The following PAK1 variants were observed in gnomAD, a reference collection of about 807,000 sequenced individuals.
The protein encoded by PAK1 is p21 (RAC1) activated kinase 1.
Under a neutral mutation model 67.4 loss-of-function variants are expected in PAK1, and 29 were observed. That is an observed-to-expected ratio of 0.43 (90% CI 0.32 to 0.59). The LOEUF is 0.59. PAK1 is among the 20% of genes least tolerant of loss of function. The probability of loss-of-function intolerance (pLI) is 0.07; values close to 1 mark genes in which losing one functional copy is unlikely to be tolerated. For synonymous variants in PAK1, 223 were observed against 237.4 expected (o/e 0.94, Z 0.56); for missense variants, 337 against 670.7 (o/e 0.50, Z 5.50).
chr11:77,399,790 C>T (rs1380236794), intron 1 of PAK1, among the ~76,000 whole-genome samples: 4 of 115,122 alleles, frequency 3.5e-5, no homozygotes, highest in Non-Finnish European at 6.6e-5. Context: ...ACCCGGGAGG[C>T]GGAGCTTGCA....
At chr11:77,344,545 A>G (rs1249887048) in intron 9 of PAK1, among the ~76,000 whole-genome samples, 1 of 152,212 alleles carries the variant, frequency 6.6e-6, no homozygotes, top group Non-Finnish European at 1.5e-5. Context: ...GGTACTTGGT[A>G]TCAATTCCTT....
the PAK1 span, among the ~76,000 whole-genome samples, chr11:77,494,570 C>T: frequency 1.4e-5 from 2 of 147,320 alleles, no homozygotes; most frequent in South Asian, 2.1e-4. Flanking sequence ...TGTCAGCACA[C>T]CTGTTAGGAT....
chr11:77,419,165 T>C (rs1955126254), intron 1 of PAK1, among the ~76,000 whole-genome samples: 1 of 152,216 alleles, frequency 6.6e-6, no homozygotes, highest in South Asian at 2.1e-4. Context: ...AATTGAGGCA[T>C]ACTGGTAAGA....
intron 1 of PAK1, among the ~76,000 whole-genome samples, chr11:77,465,628 A>G (rs2135527891): frequency 6.6e-6 from 1 of 152,286 alleles, no homozygotes; most frequent in South Asian, 2.1e-4. Flanking sequence ...GACTGGTGAG[A>G]TAATTCCATA....
intron 6 of PAK1, among the ~76,000 whole-genome samples, chr11:77,357,516 C>A (rs1946198448): frequency 6.6e-6 from 1 of 152,126 alleles, no homozygotes; most frequent in Admixed American, 6.6e-5. Flanking sequence ...AAGACAGAAA[C>A]CTTGCCTTTT....
intron 1 of PAK1, among the ~76,000 whole-genome samples, chr11:77,414,538 T>A (rs990340762): frequency 2.6e-5 from 4 of 152,244 alleles, no homozygotes; most frequent in Non-Finnish European, 4.4e-5. Flanking sequence ...CAATGTGATA[T>A]TAATGAAAAC....
chr11:77,391,039 A>G (rs905573550), intron 2 of PAK1, among the ~76,000 whole-genome samples: 8 of 152,174 alleles, frequency 5.3e-5, no homozygotes, highest in Middle Eastern at 3.4e-3. Flanking sequence ...CAACACTCCT[A>G]ATTTGTTCCT....
intron 5 of PAK1, among the ~76,000 whole-genome samples, chr11:77,369,110 G>C (rs1948037311): frequency 6.6e-6 from 1 of 152,112 alleles, no homozygotes; most frequent in Admixed American, 6.5e-5. Context: ...TATTTCTAAT[G>C]AGATGTCTGA....
chr11:77,508,678 GC>G, the PAK1 span, among the ~76,000 whole-genome samples: 1 of 37,962 alleles, frequency 2.6e-5, no homozygotes, highest in Non-Finnish European at 5.5e-5. Flanking sequence ...TTTTTTTTTT[GC>G]GACGGAGTCT....
At chr11:77,464,714 C>T (rs971572118) in intron 1 of PAK1, among the ~76,000 whole-genome samples, 3 of 152,176 alleles carry the variant, frequency 2.0e-5, no homozygotes, top group Non-Finnish European at 2.9e-5. Context: ...TACCAAACAT[C>T]GTAGCTCAGC....
intron 7 of PAK1, among the ~76,000 whole-genome samples, 153 bp from the exon 8 acceptor site, chr11:77,353,752 TAA>T (rs1366015790): frequency 2.0e-5 from 3 of 152,150 alleles, no homozygotes; most frequent in Non-Finnish European, 4.4e-5. Context: ...TTTTCCCCCA[TAA>T]GTCTCAACCA....
In PAK1 at chr11:77,322,860, A is replaced by G. The variant is rs1299042901; in HGVS notation, c.*414T>C. The G allele has an allele frequency of 4.1e-6, 2 of 493,782 alleles. No individual in the cohort carries two copies. Among genetic ancestry groups the G allele is most frequent in the Non-Finnish European group, 7.2e-6 (2 of 278,588 alleles). The allele number at this position is 493,782 out of a possible 1,614,324, so 30.6% of individuals were successfully genotyped here. ...AGGTGTCTGGGCAGTTGAGTCACAG[A>G]AAAGCAAGCACTAAAGAAATCTCAA... is the stretch of plus-strand genomic sequence containing the variant. On this transcript the variant is annotated 3_prime_UTR_variant, in exon 15 of 15. Coordinates refer to ENST00000356341, the MANE Select transcript of PAK1 (RefSeq NM_002576.5).
At chr11:77,504,084 G>A in the PAK1 span, among the ~76,000 whole-genome samples, 4 of 152,124 alleles carry the variant, frequency 2.6e-5, no homozygotes, top group East Asian at 1.9e-4. Flanking sequence ...TAGAGACAGC[G>A]GTTTTACCAT....
At chr11:77,346,922 A>G in intron 9 of PAK1, 1 of 427,000 alleles carries the variant, frequency 2.3e-6, no homozygotes, top group South Asian at 1.7e-5. Context: ...CACTTGAAAA[A>G]TAATTGTTGG....
chr11:77,400,150 GAA>G (rs1443744330), intron 1 of PAK1, among the ~76,000 whole-genome samples: 2 of 151,906 alleles, frequency 1.3e-5, no homozygotes, highest in Non-Finnish European at 2.9e-5. Flanking sequence ...TTGGCCCAAA[GAA>G]AAGAGACAAA....
chr11:77,516,846 A>G, the PAK1 span, among the ~76,000 whole-genome samples: 1 of 150,616 alleles, frequency 6.6e-6, no homozygotes, highest in African/African-American at 2.4e-5. Flanking sequence ...CTCAAAAAAA[A>G]AAAAAAAAAA....
intron 1 of PAK1, among the ~76,000 whole-genome samples, chr11:77,446,210 T>C (rs1046987277): frequency 2.6e-5 from 4 of 152,132 alleles, no homozygotes; most frequent in African/African-American, 9.7e-5. Flanking sequence ...GCCTATCCTT[T>C]ATTAAGAAGC....
chr11:77,460,295 C>T (rs968188455), intron 1 of PAK1, among the ~76,000 whole-genome samples: 10 of 147,356 alleles, frequency 6.8e-5, no homozygotes, highest in African/African-American at 2.3e-4. Flanking sequence ...TTATTGGGTA[C>T]ATCTGTGGCT....
intron 1 of PAK1, among the ~76,000 whole-genome samples, chr11:77,454,849 T>C (rs1565714541): frequency 6.6e-6 from 1 of 152,172 alleles, no homozygotes; most frequent in East Asian, 1.9e-4. Flanking sequence ...AGATTTAGGT[T>C]TACTCAATCA....
Sources: allele counts gnomAD v4.1 joint callset (sites outside exome capture counted in the v4.1 genomes callset), GRCh38; gene constraint gnomAD v4.1.1; transcripts MANE v1.5; gene names NCBI Gene and HGNC (gene_info 2026-07-23, HGNC 2026-07-21).